Variants in PTTG1IP2 observed in about 807,000 individuals in gnomAD.
PTTG1IP2 encodes PTTG1IP family member 2.
chr7:90,504,277 C>A (rs1017750141), intron 6 of PTTG1IP2, among the ~76,000 whole-genome samples: 3 of 151,620 alleles, frequency 2.0e-5, no homozygotes. Flanking sequence ...GATCACGCCA[C>A]TGCACTCCAG....
chr7:90,494,301 C>T (rs900877751), intron 5 of PTTG1IP2, 66 bp from the exon 6 acceptor site: 10 of 151,960 alleles, frequency 6.6e-5, no homozygotes, highest in East Asian at 1.9e-4. Context: ...TTAAAAATTA[C>T]GTAAGTTTTT....
At chr7:90,509,132 G>A (rs950206398) in intron 6 of PTTG1IP2, among the ~76,000 whole-genome samples, 1 of 150,184 alleles carries the variant, frequency 6.7e-6, no homozygotes, top group Non-Finnish European at 1.5e-5. Context: ...TTTTTTGGAG[G>A]GGCGGACAAC....
At chr7:90,502,911 A>G (rs1290381284) in intron 6 of PTTG1IP2, among the ~76,000 whole-genome samples, 6 of 152,200 alleles carry the variant, frequency 3.9e-5, no homozygotes, top group Non-Finnish European at 8.8e-5. Flanking sequence ...CCCTAACAAG[A>G]AAATCAGCCT....
At chr7:90,474,218 A>G (rs1389881251) in intron 1 of PTTG1IP2, among the ~76,000 whole-genome samples, 2 of 152,210 alleles carry the variant, frequency 1.3e-5, no homozygotes, top group Admixed American at 6.5e-5. Flanking sequence ...TTGTGTATCT[A>G]AACTTACCTA....
chr7:90,470,917 G>T (rs566930466), intron 1 of PTTG1IP2, among the ~76,000 whole-genome samples: 1 of 146,752 alleles, frequency 6.8e-6, no homozygotes, highest in African/African-American at 2.5e-5. Flanking sequence ...GACTCATACC[G>T]GAAATTTTTC....
intron 6 of PTTG1IP2, among the ~76,000 whole-genome samples, chr7:90,495,694 G>A (rs921621282): frequency 6.6e-6 from 1 of 152,138 alleles, no homozygotes; most frequent in Non-Finnish European, 1.5e-5. Flanking sequence ...CTAGGGAAGA[G>A]ACAATATGTA....
At chr7:90,470,845 G>C (rs570177897) in intron 1 of PTTG1IP2, among the ~76,000 whole-genome samples, 1 of 151,414 alleles carries the variant, frequency 6.6e-6, no homozygotes, top group East Asian at 2.0e-4. Flanking sequence ...CCAACAAACA[G>C]CACCTGAAAG....
intron 2 of PTTG1IP2, among the ~76,000 whole-genome samples, chr7:90,485,741 T>C (rs914830173): frequency 1.3e-5 from 2 of 152,154 alleles, no homozygotes; most frequent in African/African-American, 4.8e-5. Flanking sequence ...AGCTCGCCTG[T>C]GGTGGACTTG....
chr7:90,501,527 A>G (rs1798061229), intron 6 of PTTG1IP2, among the ~76,000 whole-genome samples: 2 of 152,126 alleles, frequency 1.3e-5, no homozygotes, highest in African/African-American at 2.4e-5. Flanking sequence ...AAAATTAGCC[A>G]GACATGGTGG....
rs1797659931 is a variant in PTTG1IP2, at chr7:90,469,795, G to C, written c.9G>C (p.Trp3Cys). The C allele has an allele frequency of 6.5e-6, 1 of 152,782 alleles. No individual in the cohort carries two copies. The highest frequency in any genetic ancestry group is 1.5e-5 in the Non-Finnish European group (1 of 68,182). 9.5% of individuals were successfully genotyped at this position (152,782 alleles called of 1,614,324 possible). A position where few individuals can be genotyped will look rare whatever the true frequency, so the allele number is the denominator to read the frequency against. Residue 3 changes from tryptophan (W) to cysteine (C), a missense_variant, in exon 1 of 7, where the codon TGG (tryptophan) becomes TGC (cysteine). Physicochemically the swap from Trp to Cys is radical, Grantham distance 215. Transcript: ENST00000509356. MC[W>C]LRAWGQILLP... The stretch of plus-strand genomic sequence containing the variant: ...ACCAGGTCTGAAGAGAGATGTGCTG[G>C]CTGCGGGCATGGGGCCAGATCCTCC...
At chr7:90,495,196 A>C (rs911484108) in intron 6 of PTTG1IP2, among the ~76,000 whole-genome samples, 2 of 152,214 alleles carry the variant, frequency 1.3e-5, no homozygotes, top group Non-Finnish European at 2.9e-5. Flanking sequence ...AACAGTGACT[A>C]AATTATTGTT....
chr7:90,470,863 C>G (rs2116035041), intron 1 of PTTG1IP2, among the ~76,000 whole-genome samples: 1 of 151,560 alleles, frequency 6.6e-6, no homozygotes, highest in Middle Eastern at 3.4e-3. Flanking sequence ...AAGCATAGGC[C>G]CAAACATAAA....
chr7:90,490,685 G>T (rs1447566060), intron 4 of PTTG1IP2, among the ~76,000 whole-genome samples: 6 of 152,096 alleles, frequency 3.9e-5, no homozygotes. Context: ...GGGCTGTTTT[G>T]TAATTTTTTA....
chr7:90,510,848 C>A (rs1319734927), intron 6 of PTTG1IP2, among the ~76,000 whole-genome samples: 1 of 152,158 alleles, frequency 6.6e-6, no homozygotes, highest in African/African-American at 2.4e-5. Flanking sequence ...TATGAGTACT[C>A]ATTATCATAG....
At chr7:90,495,953 T>C (rs1797986206) in intron 6 of PTTG1IP2, among the ~76,000 whole-genome samples, 1 of 152,192 alleles carries the variant, frequency 6.6e-6, no homozygotes, top group African/African-American at 2.4e-5. Context: ...TCTATTAAAA[T>C]TTGGGGTTGG....
intron 1 of PTTG1IP2, among the ~76,000 whole-genome samples, chr7:90,471,458 C>T (rs985214948): frequency 6.6e-6 from 1 of 152,174 alleles, no homozygotes; most frequent in Non-Finnish European, 1.5e-5. Flanking sequence ...ATAGAAAGCA[C>T]TTGATGCAAC....
At chr7:90,473,486 G>C (rs1053951771) in intron 1 of PTTG1IP2, among the ~76,000 whole-genome samples, 1 of 152,176 alleles carries the variant, frequency 6.6e-6, no homozygotes, top group African/African-American at 2.4e-5. Flanking sequence ...AAGGTAAATG[G>C]GGAAGGAGCA....
chr7:90,503,114 G>A (rs781706708), intron 6 of PTTG1IP2, among the ~76,000 whole-genome samples: 1 of 152,174 alleles, frequency 6.6e-6, no homozygotes, highest in African/African-American at 2.4e-5. Flanking sequence ...AGCACCTGCT[G>A]CTTCGCCTTG....
chr7:90,477,328 C>T (rs1584691279), intron 1 of PTTG1IP2, among the ~76,000 whole-genome samples: 1 of 152,140 alleles, frequency 6.6e-6, no homozygotes, highest in South Asian at 2.1e-4. Context: ...GTCAGCTGTA[C>T]CCTCATTAGT....
Sources: gnomAD v4.1 joint callset for allele counts (sites outside exome capture counted in the v4.1 genomes callset) on GRCh38, gnomAD v4.1.1 for gene constraint, MANE v1.5 for transcripts, NCBI Gene and HGNC (gene_info 2026-07-23, HGNC 2026-07-21) for gene names.